NRP2: variants seen among roughly 807,000 people sequenced by gnomAD.
NRP2 encodes neuropilin-2.
A neutral mutation model predicts 110.4 loss-of-function variants in NRP2; 52 were observed. The ratio of observed to expected loss-of-function variants is 0.47; its 90% CI spans 0.38 to 0.59. The LOEUF is 0.59. NRP2 is among the 20% of genes least tolerant of loss of function. The probability of loss-of-function intolerance (pLI) is 0.00; values close to 1 mark genes in which losing one functional copy is unlikely to be tolerated. For missense variants in NRP2, 1,049 were observed against 1,203.0 expected (o/e 0.87, Z 1.89); for synonymous variants, 508 against 468.9 (o/e 1.08, Z -1.08).
chr2:205,712,515 T>C (rs990230637), intron 2 of NRP2, among the ~76,000 whole-genome samples: 6 of 152,204 alleles, frequency 3.9e-5, no homozygotes, highest in African/African-American at 1.4e-4. Context: ...CCGTATTTAT[T>C]CCAAAGCCAG....
At chr2:205,690,324 AG>A (rs2056282873) in intron 1 of NRP2, among the ~76,000 whole-genome samples, 1 of 152,146 alleles carries the variant, frequency 6.6e-6, no homozygotes, top group Non-Finnish European at 1.5e-5. Context: ...TTAGTGATGA[AG>A]TAATAGTCAG....
At chr2:205,785,896 G>A (rs1450156232) in intron 15 of NRP2, among the ~76,000 whole-genome samples, 1 of 152,114 alleles carries the variant, frequency 6.6e-6, no homozygotes, top group African/African-American at 2.4e-5. Context: ...CTCACACCAA[G>A]CCCCCTCCTT....
chr2:205,730,314 A>T (rs753530689), intron 7 of NRP2, among the ~76,000 whole-genome samples: 1 of 151,920 alleles, frequency 6.6e-6, no homozygotes, highest in South Asian at 2.1e-4. Context: ...AACCGTGCCA[A>T]ATAGATTTGT....
rs1267948499 is a variant in NRP2 at position 205,766,818 on chromosome 2, G to C, written c.2425+15G>C. On this transcript the variant is annotated intron_variant, in intron 15 of 16. Transcript: ENST00000357785. ...GGCTTTTGCAGGTGAGAATTTTAAA[G>C]GTAAAAAAAAATTTTTTTTTTGCAT... 3 of 1,610,346 alleles carry C rather than the reference G, an allele frequency of 1.9e-6. No homozygotes were observed. The highest frequency in any genetic ancestry group is 2.5e-6 in the Non-Finnish European group (3 of 1,179,558).
chr2:205,732,004 G>A (rs920644164), intron 7 of NRP2, among the ~76,000 whole-genome samples: 24 of 152,188 alleles, frequency 1.6e-4, no homozygotes, highest in Admixed American at 9.8e-4. Context: ...CATGGACGGC[G>A]CCTGGTCACC....
At chr2:205,744,395 T>C (rs149638553) in intron 9 of NRP2, among the ~76,000 whole-genome samples, 18 of 152,322 alleles carry the variant, frequency 1.2e-4, no homozygotes, top group African/African-American at 4.3e-4. Flanking sequence ...TTCCTTTGTA[T>C]TCTCCTAGTT....
chr2:205,753,482 A>G (rs913334409), intron 12 of NRP2, among the ~76,000 whole-genome samples: 6 of 152,180 alleles, frequency 3.9e-5, no homozygotes, highest in Non-Finnish European at 8.8e-5. Context: ...ATGGGTATCT[A>G]GCAGAGCTGC....
chr2:205,763,869 G>T lies in NRP2; in HGVS notation c.2240G>T (p.Arg747Leu). Reference sequence around the variant, plus strand: ...GAGAGCAAGTTGCTGTGGGTCATCCGTGAGGACCAGGGCGGCGAGTGGAAG... The same window carrying T: ...GAGAGCAAGTTGCTGTGGGTCATCCTTGAGGACCAGGGCGGCGAGTGGAAG... The part of the protein sequence containing the change: ...SQESKLLWVI[R>L]EDQGGEWKHG... Residue 747 changes from arginine (R) to leucine (L), a missense_variant, in exon 13 of 17, where the codon CGT (arginine) becomes CTT (leucine). By Grantham distance (102) the Arg-to-Leu change is moderately radical. Transcript: ENST00000357785. The surrounding 1 kb of genome is among the most constrained non-coding windows in gnomAD (Gnocchi z 4.0). 4 of 1,614,148 alleles carry T rather than the reference G, an allele frequency of 2.5e-6. No individual in the cohort carries two copies. The highest frequency in any genetic ancestry group is 3.4e-6 in the Non-Finnish European group (4 of 1,180,012).
At chr2:205,685,275 G>A (rs904582335) in intron 1 of NRP2, among the ~76,000 whole-genome samples, 1 of 152,222 alleles carries the variant, frequency 6.6e-6, no homozygotes, top group African/African-American at 2.4e-5. Context: ...TCTCAGGGTG[G>A]GATTCGAAGC....
chr2:205,686,308 G>C lies in NRP2; in HGVS notation c.73+2945G>C, dbSNP rs1181894686. Among the ~76,000 whole-genome samples the C allele has an allele frequency of 6.6e-6, 1 of 152,066 alleles. No homozygotes were observed. The highest frequency in any genetic ancestry group is 1.5e-5 in the Non-Finnish European group (1 of 68,008). ...GCCCTATGCCGGAAAGTTAGGTCTC[G>C]GCTGCAGCGCTGGTCTCTGGAGAAG... is the stretch of plus-strand genomic sequence containing the variant. On this transcript the variant is annotated intron_variant, in intron 1 of 16. Transcript: ENST00000357785. The surrounding 1 kb of genome is among the most constrained non-coding windows in gnomAD (Gnocchi z 4.7).
chr2:205,737,343 G>A (rs569315176), intron 7 of NRP2, among the ~76,000 whole-genome samples: 35 of 152,314 alleles, frequency 2.3e-4, no homozygotes, highest in Middle Eastern at 6.8e-3. Context: ...AAAGTCATGC[G>A]AAGAAAGGTT....
chr2:205,752,966 A>T lies in NRP2; in HGVS notation c.2035A>T (p.Thr679Ser). 1 of 1,613,478 alleles carries T rather than the reference A, an allele frequency of 6.2e-7. No homozygotes were observed. Among genetic ancestry groups the T allele is most frequent in the Admixed American group, 1.7e-5 (1 of 60,016 alleles). ...CAGCAGCTCCAGCCCAAACGACCGGACGTTTCCAGGTAAGCCAGCTGTGAG... is the reference window on the plus strand; with the variant it reads ...CAGCAGCTCCAGCCCAAACGACCGGTCGTTTCCAGGTAAGCCAGCTGTGAG... ...WASSSSPNDR[T>S]FPDDRNFLRL... The change falls in exon 12 of 17, where the codon ACG (threonine) becomes TCG (serine). Residue 679 changes from threonine (T) to serine (S), a missense_variant. Transcript: ENST00000357785.
At chr2:205,694,359 G>T (rs1575543984) in intron 1 of NRP2, among the ~76,000 whole-genome samples, 1 of 152,192 alleles carries the variant, frequency 6.6e-6, no homozygotes, top group South Asian at 2.1e-4. Context: ...TTTCAGCCTT[G>T]GGCCTTTCTC....
At position 205,723,799 on chromosome 2, in the gene NRP2, G is replaced by A. The variant is rs764526403; in HGVS notation, c.679G>A (p.Gly227Ser). 6 of 1,614,050 alleles carry A rather than the reference G, an allele frequency of 3.7e-6. No individual in the cohort carries two copies. In the South Asian group the frequency reaches 6.6e-5, roughly 18 times the overall value. The change falls in exon 5 of 17, where the codon GGC (glycine) becomes AGC (serine). Residue 227 changes from glycine to serine, a missense_variant. Physicochemically the swap from Gly to Ser is moderately conservative, Grantham distance 56 (BLOSUM62 0). Transcript: ENST00000357785. The stretch of plus-strand genomic sequence containing the variant: ...TGAATGTCCAGTTGGCCCCCTGATT[G>A]GCAAGTACTGTGGGACCAAAACACC... ...DGIPHVGPLI[G>S]KYCGTKTPSE... is the part of the protein sequence containing the mutation.
chr2:205,709,515 T>C (rs2056755512), intron 2 of NRP2, among the ~76,000 whole-genome samples: 1 of 152,164 alleles, frequency 6.6e-6, no homozygotes, highest in Non-Finnish European at 1.5e-5. Context: ...AAACTGAAAC[T>C]CAGAGAGGTT....
intron 15 of NRP2, chr2:205,778,194 T>TTCCTTCTG (rs2058128372): frequency 6.6e-6 from 1 of 151,904 alleles, no homozygotes; most frequent in South Asian, 2.1e-4. Context: ...AGCCTCCAGG[T>TTCCTTCTG]TCCTTCTGAG....
intron 9 of NRP2, chr2:205,743,837 G>T (rs529865859): frequency 2.2e-6 from 1 of 449,912 alleles, no homozygotes; most frequent in African/African-American, 2.0e-5. Context: ...TCCGCCTCCA[G>T]GGTTCAAGCG....
intron 1 of NRP2, among the ~76,000 whole-genome samples, chr2:205,683,620 T>C (rs149833914): frequency 6.6e-6 from 1 of 152,248 alleles, no homozygotes; most frequent in East Asian, 1.9e-4. Context: ...GCGGTGTTCA[T>C]ATGTCACATA....
intron 1 of NRP2, 106 bp from the exon 2 acceptor site, chr2:205,697,438 T>C (rs772215553): frequency 9.3e-6 from 10 of 1,072,154 alleles, no homozygotes; most frequent in Non-Finnish European, 1.5e-5. Flanking sequence ...AAAAGGTCTG[T>C]AAAATAGTTT....
Sources: gnomAD v4.1 joint callset for allele counts (sites outside exome capture counted in the v4.1 genomes callset) on GRCh38, gnomAD v4.1.1 for gene constraint, Gnocchi (gnomAD v3.1) non-coding constraint, MANE v1.5 for transcripts, NCBI Gene and HGNC (gene_info 2026-07-23, HGNC 2026-07-21) for gene names.